CYP2E1: variants seen among roughly 807,000 people sequenced by gnomAD.
The protein encoded by CYP2E1 is cytochrome P450 family 2 subfamily E member 1.
In CYP2E1, 31 loss-of-function variants were observed where a neutral mutation model predicts 42.9. That is an observed-to-expected ratio of 0.72 (90% CI 0.54 to 0.98). CYP2E1 has a LOEUF of 0.98. CYP2E1 is among the 50% of genes least tolerant of loss of function. The pLI, the probability that CYP2E1 is intolerant of heterozygous loss-of-function variation, is 0.00. For missense variants in CYP2E1, 565 were observed against 633.2 expected (o/e 0.89, Z 1.16); for synonymous variants, 244 against 248.9 (o/e 0.98, Z 0.19).
chr10:133,529,802 G>A lies in CYP2E1; in HGVS notation c.337+1162G>A, dbSNP rs370868461. Among the ~76,000 whole-genome samples the A allele has an allele frequency of 9.8e-5, 15 of 152,348 alleles. 1 individual carries two copies. The highest frequency in any genetic ancestry group is 3.6e-4 in the African/African-American group (15 of 41,574). The stretch of plus-strand genomic sequence containing the variant: ...GTCCAGAACCTTGTCTCCGGAAGCG[G>A]GCAACGGGGTGGTTGTATCACAATT... On this transcript the variant is annotated intron_variant, in intron 2 of 8. Coordinates refer to ENST00000252945, the MANE Select transcript of CYP2E1 (RefSeq NM_000773.4).
At position 133,537,089 on chromosome 10, in the gene CYP2E1, G is replaced by T. The variant is rs1212628802; in HGVS notation, c.994G>T (p.Val332Leu). 3.1e-6 allele frequency: 5 copies of T among 1,613,684 alleles called. No individual in the cohort carries two copies. In the African/African-American group the frequency reaches 5.3e-5, roughly 17 times the overall value. ...GAAGCTCCATGAAGAAATTGACAGGGTGATTGGGCCAAGCCGAATCCCTGC... is the reference window on the plus strand; with the variant it reads ...GAAGCTCCATGAAGAAATTGACAGGTTGATTGGGCCAAGCCGAATCCCTGC... ...EEKLHEEIDR[V>L]IGPSRIPAIK... Residue 332 changes from valine to leucine, a missense_variant, in exon 7 of 9, where the codon GTG (valine) becomes TTG (leucine). Physicochemically the swap from Val to Leu is conservative, Grantham distance 32. Transcript: ENST00000252945.
Position 133,531,651 on chromosome 10 carries a change from A to T in CYP2E1, c.404A>T (p.Asn135Ile). The part of the protein sequence containing the change: ...IRRFSLTTLR[N>I]YGMGKQGNES... Reference sequence around the variant, plus strand: ...CGGTTTTCCCTGACCACCCTCCGGAACTATGGGATGGGGAAACAGGGCAAT... The same window carrying T: ...CGGTTTTCCCTGACCACCCTCCGGATCTATGGGATGGGGAAACAGGGCAAT... Residue 135 changes from asparagine (N) to isoleucine (I), a missense_variant, in exon 3 of 9, where the codon AAC (asparagine) becomes ATC (isoleucine). Physicochemically the swap from Asn to Ile is moderately radical, Grantham distance 149. Transcript: ENST00000252945. 1 of 1,613,934 alleles carries T rather than the reference A, an allele frequency of 6.2e-7. No individual in the cohort carries two copies. Among genetic ancestry groups the T allele is most frequent in the South Asian group, 1.1e-5 (1 of 91,056 alleles).
Position 133,538,797 on chromosome 10 carries a change from G to A in CYP2E1, c.1315G>A (p.Gly439Arg), listed in dbSNP as rs1254397224. 6.2e-6 allele frequency: 10 copies of A among 1,613,860 alleles called. No homozygotes were observed. The highest frequency in any genetic ancestry group is 5.1e-6 in the Non-Finnish European group (6 of 1,179,954). Residue 439 changes from glycine (G) to arginine (R), a missense_variant, in exon 9 of 9, where the codon GGA becomes AGA. Coordinates refer to ENST00000252945, the MANE Select transcript of CYP2E1 (RefSeq NM_000773.4). ...ACTTCTAGGAAAACGAGTGTGTGCT[G>A]GAGAAGGCCTGGCTCGCATGGAGTT... ...PFSTGKRVCA[G>R]EGLARMELFL... is the part of the protein sequence containing the mutation.
rs557459499 is a variant in CYP2E1 at position 133,532,936 on chromosome 10, A to G, written c.825+68A>G. ...AGAGAATGCACAATTTCAGATTTAC[A>G]GAGTGAGCTGCACTTGCTGGTGTCC... On this transcript the variant is annotated intron_variant, in intron 5 of 8. Transcript: ENST00000252945. 1.4e-5 allele frequency: 20 copies of G among 1,430,264 alleles called. No homozygotes were observed. The East Asian group carries it at 4.5e-4, about 32-fold the overall frequency. The allele number at this position is 1,430,264 out of a possible 1,614,324, so 88.6% of individuals were successfully genotyped here. A position where few individuals can be genotyped will look rare whatever the true frequency, so the allele number is the denominator to read the frequency against.
Position 133,528,579 on chromosome 10 carries a change from CT to C in CYP2E1, c.277del (p.Tyr93ThrfsTer38). 6.2e-7 allele frequency: 1 copy of C among 1,613,560 alleles called. No homozygotes were observed. ...YKAVKEALLD[Y>X]KDEFSGRGDL... Reference sequence around the variant, plus strand: ...AGGCGGTGAAGGAAGCGCTGCTGGACTACAAGGACGAGTTCTCGGGCAGAGG... The same window carrying C: ...AGGCGGTGAAGGAAGCGCTGCTGGACACAAGGACGAGTTCTCGGGCAGAGG... On this transcript the variant is annotated frameshift_variant, in exon 2 of 9. Coordinates refer to ENST00000252945, the MANE Select transcript of CYP2E1 (RefSeq NM_000773.4). LOFTEE classifies it high-confidence loss of function.
chr10:133,533,783 A>G lies in CYP2E1; in HGVS notation c.853A>G (p.Thr285Ala), dbSNP rs138201091. 316 of 1,614,078 alleles carry G rather than the reference A, an allele frequency of 2.0e-4. 1 individual carries two copies. The highest frequency in any genetic ancestry group is 2.6e-4 in the Non-Finnish European group (302 of 1,180,036). ...AAAGCACAGTGCAGAGCGCTTGTAC[A>G]CAATGGACGGTATCACCGTGACTGT... The part of the protein sequence containing the change: ...KEKHSAERLY[T>A]MDGITVTVAD... The change falls in exon 6 of 9, where the codon ACA becomes GCA. Residue 285 changes from threonine (T) to alanine (A), a missense_variant. Physicochemically the swap from Thr to Ala is moderately conservative, Grantham distance 58. Coordinates refer to ENST00000252945, the MANE Select transcript of CYP2E1 (RefSeq NM_000773.4).
intron 3 of CYP2E1, 163 bp from the exon 4 acceptor site, chr10:133,531,961 A>C: frequency 1.3e-6 from 1 of 789,946 alleles, no homozygotes; most frequent in East Asian, 2.6e-5. Flanking sequence ...ACTGTTGAAA[A>C]GCAAAGGAAA....
intron 5 of CYP2E1, 127 bp from the exon 6 acceptor site, chr10:133,533,629 C>T: frequency 9.2e-7 from 1 of 1,083,476 alleles, no homozygotes; most frequent in South Asian, 1.6e-5. Flanking sequence ...AGCTCCAAGT[C>T]ACAGTTCCAC....
Position 133,539,098 on chromosome 10 carries a change from A to G in CYP2E1, c.*134A>G. 3.2e-6 allele frequency: 2 copies of G among 632,510 alleles called. No individual in the cohort carries two copies. The highest frequency in any genetic ancestry group is 5.1e-6 in the Non-Finnish European group (2 of 395,598). 39.2% of individuals were successfully genotyped at this position (632,510 alleles called of 1,614,324 possible). On this transcript the variant is annotated 3_prime_UTR_variant, in exon 9 of 9. Coordinates refer to ENST00000252945, the MANE Select transcript of CYP2E1 (RefSeq NM_000773.4). ...AAATATTTTCCCAGAATATAAATAA[A>G]TCATCACATGATTATTTTAACTATA...
chr10:133,532,072 G>A, intron 3 of CYP2E1, 52 bp from the exon 4 acceptor site: 1 of 1,565,852 alleles, frequency 6.4e-7, no homozygotes, highest in Non-Finnish European at 8.7e-7. Context: ...TGAGCAGGTG[G>A]AGGAGTCTCC....
rs1190685941 is a variant in CYP2E1 at position 133,532,135 on chromosome 10, G to A, written c.499G>A (p.Asp167Asn). ...TGCCTGTTTTGTAGGCCAGCCTTTC[G>A]ACCCCACCTTCCTCATCGGCTGCGC... The part of the protein sequence containing the change: ...ALRKTQGQPF[D>N]PTFLIGCAPC... Residue 167 changes from aspartate (D) to asparagine (N), a missense_variant, in exon 4 of 9, where the codon GAC becomes AAC. Coordinates refer to ENST00000252945, the MANE Select transcript of CYP2E1 (RefSeq NM_000773.4). 1.9e-6 allele frequency: 3 copies of A among 1,613,206 alleles called. No homozygotes were observed. The highest frequency in any genetic ancestry group is 2.7e-5 in the African/African-American group (2 of 74,840).
At chr10:133,530,740 A>G (rs1470122676) in intron 2 of CYP2E1, among the ~76,000 whole-genome samples, 1 of 152,168 alleles carries the variant, frequency 6.6e-6, no homozygotes, top group East Asian at 1.9e-4. Context: ...TAAGAGGAAG[A>G]CGGAGAGCGA....
intron 2 of CYP2E1, 108 bp downstream of exon 2, chr10:133,528,748 T>A: frequency 7.4e-7 from 1 of 1,349,762 alleles, no homozygotes; most frequent in Non-Finnish European, 1.0e-6. Context: ...ACAGTAATAT[T>A]ATAGTAACAG....
rs756766217 is a variant in CYP2E1 at position 133,538,976 on chromosome 10, A to C, written c.*12A>C. On this transcript the variant is annotated 3_prime_UTR_variant, in exon 9 of 9. Transcript: ENST00000252945. ...TTCCCCGCTCATGAGTGTGTGGAGG[A>C]CACCCTGAACCCCCCGCTTTCAAAC... is the stretch of plus-strand genomic sequence containing the variant. 6.3e-7 allele frequency: 1 copy of C among 1,581,274 alleles called. No homozygotes were observed. The highest frequency in any genetic ancestry group is 8.6e-7 in the Non-Finnish European group (1 of 1,161,902).
At position 133,537,247 on chromosome 10, in the gene CYP2E1, C is replaced by T. The variant is rs781553708; in HGVS notation, c.1152C>T (p.Pro384=). The T allele has an allele frequency of 2.3e-5, 37 of 1,613,234 alleles. No homozygotes were observed. Among genetic ancestry groups the T allele is most frequent in the African/African-American group, 4.0e-5 (3 of 74,896 alleles). The stretch of plus-strand genomic sequence containing the variant: ...CCATTTTCAGAGGATACCTCATCCC[C>T]AAGGTTAAGCAATGAGCCTGCAGCA... ...RDTIFRGYLI[P]KGTVVVPTLD... Residue 384 remains proline, a synonymous_variant, in exon 7 of 9, where the codon CCC becomes CCT. Transcript: ENST00000252945.
intron 4 of CYP2E1, among the ~76,000 whole-genome samples, 184 bp from the exon 5 acceptor site, chr10:133,532,508 T>C (rs2133596335): frequency 6.6e-6 from 1 of 152,172 alleles, no homozygotes; most frequent in South Asian, 2.1e-4. Flanking sequence ...TGTGTGCACA[T>C]TTGCCATGCA....
Position 133,537,236 on chromosome 10 carries a change from T to A in CYP2E1, c.1141T>A (p.Tyr381Asn). ...AACCCGAGACACCATTTTCAGAGGA[T>A]ACCTCATCCCCAAGGTTAAGCAATG... ...EATRDTIFRG[Y>N]LIPKGTVVVP... Residue 381 changes from tyrosine (Y) to asparagine (N), a missense_variant, in exon 7 of 9, where the codon TAC becomes AAC. Transcript: ENST00000252945. The A allele has an allele frequency of 6.2e-7, 1 of 1,613,890 alleles. No individual in the cohort carries two copies. The highest frequency in any genetic ancestry group is 8.5e-7 in the Non-Finnish European group (1 of 1,179,886).
chr10:133,530,481 C>A (rs1851322843), intron 2 of CYP2E1, among the ~76,000 whole-genome samples: 1 of 152,136 alleles, frequency 6.6e-6, no homozygotes, highest in African/African-American at 2.4e-5. Flanking sequence ...CCCTGCCCCA[C>A]CCACCTCATC....
rs769536455 is a variant in CYP2E1 at position 133,538,876 on chromosome 10, A to T, written c.1394A>T (p.Asp465Val). 11 of 1,613,890 alleles carry T rather than the reference A, an allele frequency of 6.8e-6. No individual in the cohort carries two copies. Among genetic ancestry groups the T allele is most frequent in the Non-Finnish European group, 8.5e-6 (10 of 1,180,000 alleles). The change falls in exon 9 of 9, where the codon GAC (aspartate) becomes GTC (valine). Residue 465 changes from aspartate to valine, a missense_variant. Asp to Val is a radical substitution (Grantham distance 152). Transcript: ENST00000252945. The stretch of plus-strand genomic sequence containing the variant: ...CATTTTAATTTGAAGCCTCTCGTTG[A>T]CCCAAAGGATATCGACCTCAGCCCT... ...LQHFNLKPLV[D>V]PKDIDLSPIH...
Sources: allele counts gnomAD v4.1 joint callset (sites outside exome capture counted in the v4.1 genomes callset), GRCh38; gene constraint gnomAD v4.1.1; transcripts MANE v1.5; gene names NCBI Gene and HGNC (gene_info 2026-07-23, HGNC 2026-07-21).